AQP7B: variants seen among roughly 807,000 people sequenced by gnomAD.
AQP7B encodes putative aquaporin-7B.
chr2:94,590,921 G>T, the AQP7B span, among the ~76,000 whole-genome samples: 4 of 145,556 alleles, frequency 2.7e-5, no homozygotes, highest in African/African-American at 1.0e-4. Context: ...CTTCAGCCTG[G>T]GTGACAGAGT....
the AQP7B span, among the ~76,000 whole-genome samples, chr2:94,597,557 G>T: frequency 1.7e-3 from 257 of 151,682 alleles, 1 homozygote; most frequent in African/African-American, 6.1e-3. Context: ...TTTGCCCAAG[G>T]TCACACTTTA....
the AQP7B span, chr2:94,594,840 C>T: frequency 6.4e-6 from 10 of 1,555,806 alleles, no homozygotes; most frequent in Non-Finnish European, 8.9e-6. Flanking sequence ...TGCGAGAGTT[C>T]TTGGCCGAGT....
chr2:94,587,690 G>T, the AQP7B span, among the ~76,000 whole-genome samples: 2 of 152,146 alleles, frequency 1.3e-5, no homozygotes, highest in Non-Finnish European at 2.9e-5. Context: ...GGGATGCACT[G>T]GGCTGGACTA....
the AQP7B span, among the ~76,000 whole-genome samples, chr2:94,600,392 C>T: frequency 6.6e-6 from 1 of 151,996 alleles, no homozygotes; most frequent in Non-Finnish European, 1.5e-5. Context: ...AATAATTAAC[C>T]CATATATCCA....
chr2:94,603,605 A>T, the AQP7B span: 1 of 1,354,872 alleles, frequency 7.4e-7, no homozygotes, highest in Non-Finnish European at 1.0e-6. Context: ...CTGGATGGAG[A>T]CTGTACTGAG....
chr2:94,591,607 C>T, the AQP7B span, among the ~76,000 whole-genome samples: 1 of 152,146 alleles, frequency 6.6e-6, no homozygotes, highest in African/African-American at 2.4e-5. Context: ...TTCAGACTCC[C>T]TAATGTGGGC....
At chr2:94,604,418 G>A in the AQP7B span, 4 of 1,611,552 alleles carry the variant, frequency 2.5e-6, no homozygotes, top group Non-Finnish European at 3.4e-6. Context: ...GGACTCTGTG[G>A]CGTATGAAGA....
chr2:94,588,171 C>G, the AQP7B span, among the ~76,000 whole-genome samples: 2 of 152,120 alleles, frequency 1.3e-5, no homozygotes, highest in East Asian at 1.9e-4. Context: ...AGGTGTAGCA[C>G]GCAAATATGA....
chr2:94,599,461 A>G, the AQP7B span, among the ~76,000 whole-genome samples: 5 of 151,864 alleles, frequency 3.3e-5, no homozygotes, highest in Non-Finnish European at 4.4e-5. Context: ...TTTTTAAATC[A>G]GCAAATGGCT....
chr2:94,593,183 G>A, the AQP7B span, among the ~76,000 whole-genome samples: 2 of 152,010 alleles, frequency 1.3e-5, no homozygotes, highest in South Asian at 2.1e-4. Context: ...TGGGCACCAT[G>A]GGGCATGTGG....
the AQP7B span, among the ~76,000 whole-genome samples, chr2:94,596,860 C>T: frequency 6.6e-6 from 1 of 152,146 alleles, no homozygotes; most frequent in Admixed American, 6.5e-5. Context: ...CCACTGTGCT[C>T]AGCTAATTTT....
At chr2:94,590,445 C>G in the AQP7B span, among the ~76,000 whole-genome samples, 2 of 152,038 alleles carry the variant, frequency 1.3e-5, no homozygotes, top group African/African-American at 4.8e-5. Flanking sequence ...GCCTCGGCCT[C>G]CTAAAGTGTT....
the AQP7B span, chr2:94,603,829 G>A: frequency 6.8e-7 from 1 of 1,478,948 alleles, no homozygotes; most frequent in Non-Finnish European, 9.4e-7. Flanking sequence ...CATCATCAGG[G>A]TGTCCCATGG....
chr2:94,601,146 T>C, the AQP7B span, among the ~76,000 whole-genome samples: 1 of 151,826 alleles, frequency 6.6e-6, no homozygotes, highest in Non-Finnish European at 1.5e-5. Flanking sequence ...CACAGGTAAC[T>C]GCCTGGATTT....
chr2:94,602,977 T>G, the AQP7B span: 1 of 1,514,532 alleles, frequency 6.6e-7, no homozygotes, highest in Non-Finnish European at 8.9e-7. Flanking sequence ...GTTCTCATAC[T>G]GTTTGTCACT....
the AQP7B span, among the ~76,000 whole-genome samples, chr2:94,591,955 C>T: frequency 7.9e-5 from 12 of 152,208 alleles, no homozygotes; most frequent in East Asian, 1.9e-4. Context: ...TTTCTTCCCA[C>T]GGGCTGGATT....
At chr2:94,602,759 C>A in the AQP7B span, 7 of 920,736 alleles carry the variant, frequency 7.6e-6, no homozygotes, top group Non-Finnish European at 1.1e-5. Context: ...CTCTGAACCC[C>A]GTGCCTATGA....
the AQP7B span, among the ~76,000 whole-genome samples, chr2:94,588,019 G>A: frequency 6.6e-6 from 1 of 152,038 alleles, no homozygotes; most frequent in East Asian, 1.9e-4. Flanking sequence ...TGAGGTACAC[G>A]GGTGAAATGA....
the AQP7B span, among the ~76,000 whole-genome samples, chr2:94,594,192 C>T: frequency 6.6e-6 from 1 of 152,176 alleles, no homozygotes; most frequent in East Asian, 1.9e-4. Flanking sequence ...ATTTTGCTGA[C>T]CCCTTCATTT....
Sources: allele counts gnomAD v4.1 joint callset (sites outside exome capture counted in the v4.1 genomes callset), GRCh38; gene constraint gnomAD v4.1.1; transcripts MANE v1.5; gene names NCBI Gene and HGNC (gene_info 2026-07-23, HGNC 2026-07-21).